The following STX18 variants were observed in gnomAD, a reference collection of about 807,000 sequenced individuals.
STX18 encodes syntaxin 18.
Under a neutral mutation model 50.1 loss-of-function variants are expected in STX18, and 40 were observed. The ratio of observed to expected loss-of-function variants is 0.80; its 90% CI spans 0.62 to 1.04. STX18 has a LOEUF of 1.04. Among genes scored for constraint, STX18 ranks in the 50% least tolerant of loss-of-function variants. STX18 has a pLI of 0.00. For missense variants in STX18, 410 were observed against 415.8 expected (o/e 0.99, Z 0.12); for synonymous variants, 158 against 151.8 (o/e 1.04, Z -0.30).
chr4:4,496,727 T>A lies in STX18; in HGVS notation c.169-25021A>T, dbSNP rs1208750215. Among the ~76,000 whole-genome samples, 5 of 152,238 alleles carry A rather than the reference T, an allele frequency of 3.3e-5. No individual in the cohort carries two copies. The East Asian group carries it at 9.6e-4, about 29-fold the overall frequency. On this transcript the variant is annotated intron_variant, in intron 1 of 10. Coordinates refer to ENST00000306200, the MANE Select transcript of STX18 (RefSeq NM_016930.4). The stretch of plus-strand genomic sequence containing the variant: ...GACATCTTCTCTCTAATCCTTTCTA[T>A]GCTAAACAGCTGTCTCACCATGAGT...
chr4:4,535,475 C>G (rs1469195584), intron 1 of STX18, among the ~76,000 whole-genome samples: 4 of 152,018 alleles, frequency 2.6e-5, no homozygotes, highest in African/African-American at 7.3e-5. Flanking sequence ...AAAACAGGCC[C>G]TGGAGAGCAT....
intron 1 of STX18, among the ~76,000 whole-genome samples, chr4:4,472,685 T>C (rs73086273): frequency 0.073 from 11,129 of 152,180 alleles, 1,315 homozygotes; most frequent in African/African-American, 0.25. Flanking sequence ...ATATACACAC[T>C]TCTTTGTCAG....
At chr4:4,507,222 G>A (rs987295037) in intron 1 of STX18, 4 of 625,752 alleles carry the variant, frequency 6.4e-6, no homozygotes, top group East Asian at 6.8e-5. Context: ...ATGCAATTAT[G>A]AGGGTAAACA....
At chr4:4,540,797 T>C (rs535820543) in intron 1 of STX18, among the ~76,000 whole-genome samples, 2 of 152,218 alleles carry the variant, frequency 1.3e-5, no homozygotes, top group South Asian at 2.1e-4. Flanking sequence ...CATTAATGCA[T>C]GCATGACTAC....
intron 1 of STX18, among the ~76,000 whole-genome samples, chr4:4,523,912 A>T (rs1370943148): frequency 1.3e-5 from 2 of 151,654 alleles, no homozygotes; most frequent in Non-Finnish European, 2.9e-5. Flanking sequence ...TTAACTCAAA[A>T]CTCACCTCTC....
chr4:4,479,650 C>G (rs1237276178), intron 1 of STX18, among the ~76,000 whole-genome samples: 1 of 152,202 alleles, frequency 6.6e-6, no homozygotes, highest in Non-Finnish European at 1.5e-5. Context: ...ATCAAGTTTA[C>G]TTTTTAACTA....
chr4:4,530,853 C>T (rs1731059148), intron 1 of STX18, among the ~76,000 whole-genome samples: 2 of 152,110 alleles, frequency 1.3e-5, no homozygotes, highest in African/African-American at 4.8e-5. Context: ...GCGATCCACC[C>T]ACCTCAGCCT....
At chr4:4,497,248 C>A (rs1729221531) in intron 1 of STX18, among the ~76,000 whole-genome samples, 1 of 152,188 alleles carries the variant, frequency 6.6e-6, no homozygotes, top group South Asian at 2.1e-4. Flanking sequence ...CTCAGAGGCA[C>A]AGGCTGAATT....
chr4:4,499,587 C>T, intron 1 of STX18: 1 of 942,418 alleles, frequency 1.1e-6, no homozygotes, highest in Non-Finnish European at 1.3e-6. Flanking sequence ...TATTCACTGA[C>T]TGGCTTCTAC....
At chr4:4,459,308 T>C (rs1004739237) in intron 3 of STX18, 64 bp downstream of exon 3, 11 of 1,147,656 alleles carry the variant, frequency 9.6e-6, no homozygotes, top group African/African-American at 1.5e-5. Flanking sequence ...CCGCACCATA[T>C]GCATCTTGTT....
Position 4,465,151 on chromosome 4 carries a change from CAT to C in STX18, c.237-5666_237-5665del, listed in dbSNP as rs1727561095. Among the ~76,000 whole-genome samples the C allele has an allele frequency of 2.0e-5, 3 of 152,196 alleles. No individual in the cohort carries two copies. The South Asian group carries it at 6.2e-4, about 32-fold the overall frequency. ...TTTATCTTTGTTCTGTTGGTGGGAG[CAT>C]AAATTAGTTCAACCACTGTGGAAGA... is the stretch of plus-strand genomic sequence containing the variant. On this transcript the variant is annotated intron_variant, in intron 2 of 10. Coordinates refer to ENST00000306200, the MANE Select transcript of STX18 (RefSeq NM_016930.4).
At chr4:4,542,215 G>T (rs915668709), upstream of STX18, 18 of 461,354 alleles carry the variant, frequency 3.9e-5, no homozygotes, top group South Asian at 3.3e-4. Flanking sequence ...TCCCAGCAAA[G>T]CTTGGAGGGT....
At chr4:4,466,549 A>G (rs952348577) in intron 2 of STX18, among the ~76,000 whole-genome samples, 1 of 152,156 alleles carries the variant, frequency 6.6e-6, no homozygotes, top group Non-Finnish European at 1.5e-5. Context: ...AAGAGCAGGG[A>G]GTTGAGAACA....
intron 1 of STX18, among the ~76,000 whole-genome samples, chr4:4,514,821 G>A (rs1488055962): frequency 1.3e-5 from 2 of 152,046 alleles, no homozygotes; most frequent in African/African-American, 4.8e-5. Flanking sequence ...GATCAGATAA[G>A]GGGGTATATG....
At chr4:4,495,891 T>G (rs1324819485) in intron 1 of STX18, among the ~76,000 whole-genome samples, 1 of 152,230 alleles carries the variant, frequency 6.6e-6, no homozygotes. Flanking sequence ...TGGTACTATC[T>G]GTCCATATTC....
chr4:4,525,734 T>G (rs1217677848), intron 1 of STX18, among the ~76,000 whole-genome samples: 1 of 152,110 alleles, frequency 6.6e-6, no homozygotes, highest in Admixed American at 6.5e-5. Context: ...ATTTGAGAGA[T>G]AACACAATCG....
At chr4:4,421,187 T>C (rs1724940141) in intron 9 of STX18, among the ~76,000 whole-genome samples, 1 of 152,148 alleles carries the variant, frequency 6.6e-6, no homozygotes, top group Admixed American at 6.5e-5. Context: ...CGGCTTTACT[T>C]GCATAGCCAC....
intron 5 of STX18, among the ~76,000 whole-genome samples, chr4:4,443,492 G>C (rs532423936): frequency 6.6e-6 from 1 of 152,212 alleles, no homozygotes; most frequent in African/African-American, 2.4e-5. Flanking sequence ...GAGGAACAAC[G>C]TAAGGACCCA....
intron 3 of STX18, among the ~76,000 whole-genome samples, chr4:4,458,105 T>A (rs964718513): frequency 2.6e-5 from 4 of 152,208 alleles, no homozygotes; most frequent in African/African-American, 9.6e-5. Context: ...AGAGACTGAG[T>A]GCCTACTGCG....
Sources: allele counts gnomAD v4.1 joint callset (sites outside exome capture counted in the v4.1 genomes callset), GRCh38; gene constraint gnomAD v4.1.1; transcripts MANE v1.5; gene names NCBI Gene and HGNC (gene_info 2026-07-23, HGNC 2026-07-21).